The following ARHGEF26 variants were observed in gnomAD, a reference collection of about 807,000 sequenced individuals.
ARHGEF26 encodes Rho guanine nucleotide exchange factor (GEF) 26.
ARHGEF26 carries 59 observed loss-of-function variants against 89.4 expected under a neutral mutation model. That is an observed-to-expected ratio of 0.66 (90% confidence interval 0.54 to 0.82). The LOEUF (loss-of-function observed/expected upper bound fraction) is 0.82, where lower values mean the gene tolerates loss of function less well. Ranked by LOEUF, ARHGEF26 falls within the 40% of genes least tolerant of loss-of-function variation. The pLI, the probability that ARHGEF26 is intolerant of heterozygous loss-of-function variation, is 0.00. For synonymous variants in ARHGEF26, 500 were observed against 428.4 expected, an observed-to-expected ratio of 1.17 and a Z score of -2.06; for missense variants, 1,234 against 1,085.6, an observed-to-expected ratio of 1.14 and a Z score of -1.92.
Position 154,255,757 on chromosome 3 carries a change from T to C in ARHGEF26, c.*284T>C. ...GGGATCAGGTCATCTCTGCTCCTCCTAGTTTCACCATGTTCTGGCAATAAA... is the reference window on the plus strand; with the variant it reads ...GGGATCAGGTCATCTCTGCTCCTCCCAGTTTCACCATGTTCTGGCAATAAA... On this transcript the variant is annotated 3_prime_UTR_variant, in exon 15 of 15. Transcript: ENST00000465093. 8.3e-7 allele frequency: 1 copy of C among 1,202,750 alleles called. No homozygotes were observed. Among genetic ancestry groups the C allele is most frequent in the Non-Finnish European group, 1.0e-6 (1 of 969,300 alleles). The allele number at this position is 1,202,750 out of a possible 1,614,324, so 74.5% of individuals were successfully genotyped here.
chr3:154,195,640 G>A (rs1714243586), intron 9 of ARHGEF26, among the ~76,000 whole-genome samples: 1 of 152,148 alleles, frequency 6.6e-6, no homozygotes, highest in Non-Finnish European at 1.5e-5. Context: ...CTTCATCTAC[G>A]ATAGAAACAT....
chr3:154,177,099 C>G (rs1353408567), intron 6 of ARHGEF26, among the ~76,000 whole-genome samples: 1 of 152,130 alleles, frequency 6.6e-6, no homozygotes, highest in Non-Finnish European at 1.5e-5. Context: ...TGAAATGTGA[C>G]TGTTTATGGT....
At chr3:154,158,345 CT>C (rs1156885651) in intron 6 of ARHGEF26, among the ~76,000 whole-genome samples, 1 of 152,178 alleles carries the variant, frequency 6.6e-6, no homozygotes, top group Admixed American at 6.6e-5. Context: ...TCCTGTTACT[CT>C]GTCTCTTAGT....
intron 12 of ARHGEF26, among the ~76,000 whole-genome samples, chr3:154,243,047 G>A (rs1375281765): frequency 6.6e-6 from 1 of 152,130 alleles, no homozygotes; most frequent in Non-Finnish European, 1.5e-5. Context: ...TCAAGGGGAG[G>A]CATTACTTGA....
At position 154,255,908 on chromosome 3, in the gene ARHGEF26, TG is replaced by T; in HGVS notation, c.*436del. 1 of 989,130 alleles carries T rather than the reference TG, an allele frequency of 1.0e-6. No individual in the cohort carries two copies. Among genetic ancestry groups the T allele is most frequent in the Non-Finnish European group, 1.2e-6 (1 of 832,326 alleles). The allele number at this position is 989,130 out of a possible 1,614,324, so 61.3% of individuals were successfully genotyped here. A position where few individuals can be genotyped will look rare whatever the true frequency, so the allele number is the denominator to read the frequency against. Reference sequence around the variant, plus strand: ...TATATCTGTAAAGAATGTCCAGTTTTGTAAATATTTCCCTGCCTTTTTTTTT... The same window carrying T: ...TATATCTGTAAAGAATGTCCAGTTTTTAAATATTTCCCTGCCTTTTTTTTT... On this transcript the variant is annotated 3_prime_UTR_variant, in exon 15 of 15. Coordinates refer to ENST00000465093, the MANE Select transcript of ARHGEF26 (RefSeq NM_015595.4).
intron 6 of ARHGEF26, among the ~76,000 whole-genome samples, chr3:154,159,695 C>G (rs1186849199): frequency 1.3e-5 from 2 of 152,036 alleles, no homozygotes; most frequent in African/African-American, 4.8e-5. Flanking sequence ...AATAGTATAG[C>G]ATATCTGCAT....
intron 4 of ARHGEF26, among the ~76,000 whole-genome samples, chr3:154,134,107 G>A (rs937352298): frequency 1.3e-5 from 2 of 152,036 alleles, no homozygotes; most frequent in Non-Finnish European, 2.9e-5. Context: ...GAGACTATGG[G>A]GTTTTCCATA....
At chr3:154,137,828 A>AG (rs397787194) in intron 4 of ARHGEF26, among the ~76,000 whole-genome samples, 1 of 140,698 alleles carries the variant, frequency 7.1e-6, no homozygotes, top group African/African-American at 2.6e-5. Flanking sequence ...AAAAAAAAAA[A>AG]GAAGAAGAGA....
intron 9 of ARHGEF26, among the ~76,000 whole-genome samples, chr3:154,199,273 T>C (rs1714479592): frequency 6.6e-6 from 1 of 152,110 alleles, no homozygotes; most frequent in African/African-American, 2.4e-5. Flanking sequence ...TGAGTTCATT[T>C]TTAAAAAAAA....
chr3:154,141,093 C>G (rs1404522030), intron 4 of ARHGEF26, among the ~76,000 whole-genome samples: 1 of 152,118 alleles, frequency 6.6e-6, no homozygotes, highest in African/African-American at 2.4e-5. Flanking sequence ...TCCTGAGTAG[C>G]TGGGACTACA....
intron 4 of ARHGEF26, among the ~76,000 whole-genome samples, chr3:154,136,667 C>T (rs1049961099): frequency 6.6e-6 from 1 of 152,142 alleles, no homozygotes; most frequent in African/African-American, 2.4e-5. Context: ...ACCTGAATGT[C>T]ATTCTGTTTG....
intron 10 of ARHGEF26, among the ~76,000 whole-genome samples, chr3:154,221,661 T>A (rs1716138663): frequency 6.6e-6 from 1 of 152,244 alleles, no homozygotes; most frequent in Admixed American, 6.5e-5. Flanking sequence ...GAATTTTAGA[T>A]ACCTATATGG....
At chr3:154,130,280 G>A (rs1485972987) in intron 4 of ARHGEF26, among the ~76,000 whole-genome samples, 1 of 151,340 alleles carries the variant, frequency 6.6e-6, no homozygotes. Flanking sequence ...AGCTAGGACT[G>A]TAGGCGTGTG....
rs1446326783 is a variant in ARHGEF26 at position 154,225,905 on chromosome 3, T to TG, written c.1986dup (p.Thr663AspfsTer5). 1 of 1,610,794 alleles carries TG rather than the reference T, an allele frequency of 6.2e-7. No homozygotes were observed. Among genetic ancestry groups the TG allele is most frequent in the Non-Finnish European group, 8.5e-7 (1 of 1,178,424 alleles). On this transcript the variant is annotated frameshift_variant, in exon 11 of 15. Transcript: ENST00000465093. LOFTEE classifies it high-confidence loss of function. The stretch of plus-strand genomic sequence containing the variant: ...CGGTGGTTGGTAAAAAGAGGTGAAT[T>TG]GACAGCCTATGTTGAAGACACTGTG...
chr3:154,200,899 G>C (rs916428445), intron 9 of ARHGEF26, among the ~76,000 whole-genome samples: 3 of 151,812 alleles, frequency 2.0e-5, no homozygotes, highest in Admixed American at 1.3e-4. Context: ...GTTCACTGTT[G>C]GCATATAGAA....
At chr3:154,178,949 CT>C (rs1713007862) in intron 6 of ARHGEF26, among the ~76,000 whole-genome samples, 2 of 152,136 alleles carry the variant, frequency 1.3e-5, no homozygotes, top group Non-Finnish European at 2.9e-5. Context: ...TAGTGGTTCT[CT>C]TGTTACTTTG....
chr3:154,139,633 G>C (rs1472577538), intron 4 of ARHGEF26, among the ~76,000 whole-genome samples: 1 of 152,120 alleles, frequency 6.6e-6, no homozygotes, highest in Non-Finnish European at 1.5e-5. Flanking sequence ...CAAAGATAGG[G>C]CTATTTCTCA....
chr3:154,166,906 C>A (rs889217563), intron 6 of ARHGEF26, among the ~76,000 whole-genome samples: 1 of 152,164 alleles, frequency 6.6e-6, no homozygotes, highest in Non-Finnish European at 1.5e-5. Flanking sequence ...TCCAGAGATA[C>A]TCTCTGCACA....
intron 12 of ARHGEF26, among the ~76,000 whole-genome samples, chr3:154,245,862 A>G (rs1250079053): frequency 1.3e-5 from 2 of 152,188 alleles, no homozygotes; most frequent in African/African-American, 2.4e-5. Context: ...AGTGAACCAT[A>G]CGGAGATCAG....
Sources: allele counts gnomAD v4.1 joint callset (sites outside exome capture counted in the v4.1 genomes callset), GRCh38; gene constraint gnomAD v4.1.1; transcripts MANE v1.5; gene names NCBI Gene and HGNC (gene_info 2026-07-23, HGNC 2026-07-21).